LRMDA: variants seen among roughly 807,000 people sequenced by gnomAD.
The protein encoded by LRMDA is leucine-rich melanocyte differentiation-associated protein.
LRMDA carries 18 observed loss-of-function variants against 29.8 expected under a neutral mutation model. That is an observed-to-expected ratio of 0.60 (90% CI 0.42 to 0.90). The LOEUF (loss-of-function observed/expected upper bound fraction) is 0.90, where lower values mean the gene tolerates loss of function less well. Ranked by LOEUF, LRMDA falls within the 40% of genes least tolerant of loss-of-function variation. LRMDA has a pLI of 0.00. For missense variants in LRMDA, 273 were observed against 273.9 expected, an observed-to-expected ratio of 1.00 and a Z score of 0.02; for synonymous variants, 125 against 109.4, an observed-to-expected ratio of 1.14 and a Z score of -0.89.
intron 2 of LRMDA, among the ~76,000 whole-genome samples, chr10:76,009,094 G>T (rs970870547): frequency 6.6e-6 from 1 of 152,184 alleles, no homozygotes; most frequent in Non-Finnish European, 1.5e-5. Context: ...ATAAGGGACT[G>T]CACTGTCTGC....
At chr10:75,733,283 G>A (rs1379215727) in intron 2 of LRMDA, among the ~76,000 whole-genome samples, 1 of 152,188 alleles carries the variant, frequency 6.6e-6, no homozygotes, top group East Asian at 1.9e-4. Context: ...TCCCATTATT[G>A]TGATTACTAT....
intron 2 of LRMDA, among the ~76,000 whole-genome samples, chr10:75,861,204 G>A (rs1262914056): frequency 6.6e-6 from 1 of 152,218 alleles, no homozygotes; most frequent in African/African-American, 2.4e-5. Flanking sequence ...ACCAACAGGT[G>A]GATTGGAATC....
chr10:75,892,457 C>A (rs1374215219), intron 2 of LRMDA, among the ~76,000 whole-genome samples: 1 of 152,124 alleles, frequency 6.6e-6, no homozygotes, highest in African/African-American at 2.4e-5. Context: ...TTTAAGGGAG[C>A]GCTTAGGAAG....
intron 6 of LRMDA, among the ~76,000 whole-genome samples, chr10:76,517,251 T>C (rs947273947): frequency 1.3e-5 from 2 of 152,110 alleles, no homozygotes; most frequent in Admixed American, 1.3e-4. Flanking sequence ...ACGATACATA[T>C]GGCAAAGCAT....
At chr10:76,223,794 A>G (rs1311094317) in intron 5 of LRMDA, among the ~76,000 whole-genome samples, 1 of 152,108 alleles carries the variant, frequency 6.6e-6, no homozygotes, top group South Asian at 2.1e-4. Context: ...CCTTTGTTAT[A>G]TCACCTCATT....
At chr10:76,285,802 A>G (rs1178515265) in intron 5 of LRMDA, among the ~76,000 whole-genome samples, 1 of 152,216 alleles carries the variant, frequency 6.6e-6, no homozygotes, top group Non-Finnish European at 1.5e-5. Flanking sequence ...GTACTAGTGT[A>G]TTAGCCTCCC....
chr10:75,849,936 A>T (rs1210842337), intron 2 of LRMDA, among the ~76,000 whole-genome samples: 1 of 152,224 alleles, frequency 6.6e-6, no homozygotes, highest in Non-Finnish European at 1.5e-5. Context: ...GACAATGTGA[A>T]GGTAAACTGG....
intron 5 of LRMDA, among the ~76,000 whole-genome samples, chr10:76,115,918 C>A (rs538198837): frequency 6.6e-6 from 1 of 152,172 alleles, no homozygotes; most frequent in Non-Finnish European, 1.5e-5. Context: ...CAGAGATCAT[C>A]GTGGGAATGG....
intron 2 of LRMDA, among the ~76,000 whole-genome samples, chr10:75,912,887 T>TA (rs1845864324): frequency 6.6e-6 from 1 of 152,076 alleles, no homozygotes. Context: ...CAAGTGTGAG[T>TA]ATTCAGAGCA....
At chr10:76,134,515 A>C (rs937850927) in intron 5 of LRMDA, among the ~76,000 whole-genome samples, 35 of 152,208 alleles carry the variant, frequency 2.3e-4, no homozygotes, top group Non-Finnish European at 1.0e-4. Context: ...CCACAAATCC[A>C]GGTGATGACC....
intron 5 of LRMDA, among the ~76,000 whole-genome samples, chr10:76,309,749 T>C (rs929361340): frequency 6.6e-6 from 1 of 152,184 alleles, no homozygotes; most frequent in Non-Finnish European, 1.5e-5. Flanking sequence ...AAAACTTGTT[T>C]GCTGTCCACC....
At chr10:75,648,878 T>G (rs555737154) in intron 2 of LRMDA, among the ~76,000 whole-genome samples, 1 of 152,236 alleles carries the variant, frequency 6.6e-6, no homozygotes, top group East Asian at 1.9e-4. Context: ...GAAACAGATG[T>G]TCTGAGTAGT....
At chr10:76,504,280 G>A (rs1278868560) in intron 6 of LRMDA, among the ~76,000 whole-genome samples, 1 of 151,948 alleles carries the variant, frequency 6.6e-6, no homozygotes, top group African/African-American at 2.4e-5. Context: ...TGTTCCATGT[G>A]CAGATGAGAA....
chr10:75,470,949 A>G (rs954387428), intron 2 of LRMDA, among the ~76,000 whole-genome samples: 2 of 152,172 alleles, frequency 1.3e-5, no homozygotes, highest in African/African-American at 4.8e-5. Context: ...TTGAATCCGC[A>G]GCCCTGGCCC....
At chr10:76,326,326 T>A (rs1398397516) in intron 6 of LRMDA, among the ~76,000 whole-genome samples, 2 of 152,224 alleles carry the variant, frequency 1.3e-5, no homozygotes, top group African/African-American at 4.8e-5. Context: ...AAAGCCATTA[T>A]TTTTTGGCAC....
intron 5 of LRMDA, among the ~76,000 whole-genome samples, chr10:76,144,187 T>C (rs550597389): frequency 6.6e-6 from 1 of 152,318 alleles, no homozygotes; most frequent in South Asian, 2.1e-4. Context: ...TCTTTTTTGG[T>C]TCCATATGAA....
At chr10:75,834,736 A>G (rs1844404776) in intron 2 of LRMDA, among the ~76,000 whole-genome samples, 2 of 152,212 alleles carry the variant, frequency 1.3e-5, no homozygotes, top group Admixed American at 1.3e-4. Flanking sequence ...GTCCAGTGAT[A>G]TGTTCCTTAT....
chr10:75,482,407 A>G (rs555943879), intron 2 of LRMDA, among the ~76,000 whole-genome samples: 3 of 152,330 alleles, frequency 2.0e-5, no homozygotes, highest in African/African-American at 7.2e-5. Context: ...TTGTTATTTT[A>G]AACCACTGAA....
intron 2 of LRMDA, among the ~76,000 whole-genome samples, chr10:75,980,466 T>A (rs1433250784): frequency 1.3e-5 from 2 of 152,214 alleles, no homozygotes; most frequent in African/African-American, 4.8e-5. Context: ...GACAGTGACT[T>A]ACAGTGGGTA....
Sources: gnomAD v4.1 joint callset for allele counts (sites outside exome capture counted in the v4.1 genomes callset) on GRCh38, gnomAD v4.1.1 for gene constraint, MANE v1.5 for transcripts, NCBI Gene and HGNC (gene_info 2026-07-23, HGNC 2026-07-21) for gene names.